HNF4G: variants seen among roughly 807,000 people sequenced by gnomAD.
HNF4G encodes the protein hepatocyte nuclear factor 4-gamma.
HNF4G carries 21 observed loss-of-function variants against 50.9 expected under a neutral mutation model. The observed-to-expected ratio is 0.41, with a 90% CI of 0.29 to 0.59. The LOEUF (loss-of-function observed/expected upper bound fraction) is 0.59, where lower values mean the gene tolerates loss of function less well. HNF4G is among the 20% of genes least tolerant of loss of function. The pLI is 0.26. For missense variants in HNF4G, 527 were observed against 559.4 expected, an observed-to-expected ratio of 0.94 and a Z score of 0.58; for synonymous variants, 198 against 185.6, an observed-to-expected ratio of 1.07 and a Z score of -0.54.
Position 75,500,131 on chromosome 8 carries a change from G to C in HNF4G, c.-24+9923G>C, listed in dbSNP as rs926750879. Among the ~76,000 whole-genome samples the C allele has an allele frequency of 5.9e-5, 9 of 152,216 alleles. No homozygotes were observed. In the South Asian group the frequency reaches 1.9e-3, roughly 32 times the overall value. On this transcript the variant is annotated intron_variant, in intron 2 of 10. Coordinates refer to the HNF4G transcript ENST00000354370. Reference sequence around the variant, plus strand: ...TGTTTACAAATCATATGTCAGATAAGGGTCTTGTATCCAGAATATATAAAG... The same window carrying C: ...TGTTTACAAATCATATGTCAGATAACGGTCTTGTATCCAGAATATATAAAG...
chr8:75,489,896 T>G (rs545490262), intron 1 of HNF4G, among the ~76,000 whole-genome samples: 12 of 152,364 alleles, frequency 7.9e-5, no homozygotes, highest in African/African-American at 2.6e-4. Context: ...TGGAACTTCC[T>G]GTGGCACTAG....
chr8:75,490,832 C>T lies in HNF4G; in HGVS notation c.-24+624C>T, dbSNP rs1812612554. Among the ~76,000 whole-genome samples the T allele has an allele frequency of 2.6e-5, 4 of 152,166 alleles. No homozygotes were observed. In the South Asian group the frequency reaches 8.3e-4, roughly 32 times the overall value. ...ATTGCGATTGTTCACTTTTAGCTAACTGAAACCATATACTCACATATAAAA... is the reference window on the plus strand; with the variant it reads ...ATTGCGATTGTTCACTTTTAGCTAATTGAAACCATATACTCACATATAAAA... On this transcript the variant is annotated intron_variant, in intron 2 of 10. Coordinates refer to the HNF4G transcript ENST00000354370.
chr8:75,449,546 G>A (rs1183224417), intron 1 of HNF4G, among the ~76,000 whole-genome samples: 15 of 124,294 alleles, frequency 1.2e-4, no homozygotes, highest in Admixed American at 2.9e-4. Flanking sequence ...TCACTCTGTC[G>A]CCCAGGCTGT....
chr8:75,466,228 T>G (rs1215896224), intron 1 of HNF4G, among the ~76,000 whole-genome samples: 1 of 152,170 alleles, frequency 6.6e-6, no homozygotes. Context: ...TTTTCAGGGA[T>G]TATTTTGTTA....
chr8:75,562,277 C>T (rs937473370), intron 9 of HNF4G, among the ~76,000 whole-genome samples: 1 of 151,888 alleles, frequency 6.6e-6, no homozygotes, highest in Non-Finnish European at 1.5e-5. Flanking sequence ...ACAGGTAGAT[C>T]TTTGTGTAAA....
chr8:75,408,457 A>C (rs903533443), intron 1 of HNF4G, among the ~76,000 whole-genome samples: 9 of 152,162 alleles, frequency 5.9e-5, no homozygotes, highest in African/African-American at 2.2e-4. Context: ...GCATCACCCC[A>C]TGCATGGCCT....
At chr8:75,476,962 T>TAAACA (rs1812256247) in intron 1 of HNF4G, among the ~76,000 whole-genome samples, 1 of 152,204 alleles carries the variant, frequency 6.6e-6, no homozygotes, top group South Asian at 2.1e-4. Flanking sequence ...AAACTAAGTA[T>TAAACA]AAACATTTTG....
At chr8:75,499,441 G>A (rs371041046) in intron 2 of HNF4G, among the ~76,000 whole-genome samples, 1 of 152,054 alleles carries the variant, frequency 6.6e-6, no homozygotes, top group East Asian at 1.9e-4. Context: ...ATATATGTAA[G>A]ATGGCAATAC....
At chr8:75,444,979 T>C (rs1811389005) in intron 1 of HNF4G, among the ~76,000 whole-genome samples, 1 of 147,308 alleles carries the variant, frequency 6.8e-6, no homozygotes, top group African/African-American at 2.6e-5. Flanking sequence ...AATATACATT[T>C]TTTTCAGCAC....
intron 1 of HNF4G, among the ~76,000 whole-genome samples, chr8:75,453,384 A>G (rs779452780): frequency 2.0e-5 from 3 of 151,968 alleles, no homozygotes; most frequent in African/African-American, 4.8e-5. Flanking sequence ...AAACACACCA[A>G]TCAGTGCTCT....
At chr8:75,439,098 A>G (rs1055741470) in intron 1 of HNF4G, among the ~76,000 whole-genome samples, 1 of 152,116 alleles carries the variant, frequency 6.6e-6, no homozygotes, top group Non-Finnish European at 1.5e-5. Flanking sequence ...AAACAATCTT[A>G]AAATAAATAA....
chr8:75,424,223 AT>A (rs1439523121), intron 1 of HNF4G, among the ~76,000 whole-genome samples: 10 of 151,956 alleles, frequency 6.6e-5, no homozygotes, highest in Admixed American at 4.6e-4. Context: ...TTATTGAATT[AT>A]TTTTTCCTTA....
chr8:75,516,338 G>C (rs1273740074), intron 2 of HNF4G, among the ~76,000 whole-genome samples: 3 of 151,518 alleles, frequency 2.0e-5, no homozygotes, highest in East Asian at 1.9e-4. Context: ...GTTATTTCTT[G>C]TTGTTGTTGA....
At chr8:75,452,008 G>A (rs930213176) in intron 1 of HNF4G, among the ~76,000 whole-genome samples, 1 of 152,092 alleles carries the variant, frequency 6.6e-6, no homozygotes, top group Admixed American at 6.6e-5. Flanking sequence ...CATTCCATTG[G>A]TGGAAACTTA....
At chr8:75,559,793 A>G (rs1807253401) in intron 8 of HNF4G, among the ~76,000 whole-genome samples, 1 of 152,182 alleles carries the variant, frequency 6.6e-6, no homozygotes, top group African/African-American at 2.4e-5. Context: ...CTTAAAAATG[A>G]ACATTGTGCT....
intron 1 of HNF4G, among the ~76,000 whole-genome samples, chr8:75,459,326 C>A (rs750203042): frequency 5.3e-5 from 8 of 152,074 alleles, no homozygotes; most frequent in Non-Finnish European, 1.2e-4. Context: ...ATCACTGTGG[C>A]CTATCAAAAT....
At chr8:75,437,303 C>A (rs558186790) in intron 1 of HNF4G, among the ~76,000 whole-genome samples, 29 of 152,184 alleles carry the variant, frequency 1.9e-4, no homozygotes, top group Non-Finnish European at 3.4e-4. Flanking sequence ...AACTGAAATT[C>A]TTGTGTCATA....
intron 1 of HNF4G, among the ~76,000 whole-genome samples, chr8:75,476,357 A>T (rs1314720381): frequency 6.6e-6 from 1 of 152,142 alleles, no homozygotes; most frequent in Non-Finnish European, 1.5e-5. Context: ...ACTTGGGTTG[A>T]TTCCATGACT....
At chr8:75,445,811 T>C (rs1337257576) in intron 1 of HNF4G, among the ~76,000 whole-genome samples, 1 of 141,700 alleles carries the variant, frequency 7.1e-6, no homozygotes, top group Non-Finnish European at 1.5e-5. Flanking sequence ...AAAAAAGAGT[T>C]CAGGACCAGA....
Sources: gnomAD v4.1 joint callset for allele counts (sites outside exome capture counted in the v4.1 genomes callset) on GRCh38, gnomAD v4.1.1 for gene constraint, MANE v1.5 for transcripts, NCBI Gene and HGNC (gene_info 2026-07-23, HGNC 2026-07-21) for gene names.